SIGLEC1: variants seen among roughly 807,000 people sequenced by gnomAD.
The protein encoded by SIGLEC1 is sialic acid binding Ig like lectin 1.
SIGLEC1 carries 132 observed loss-of-function variants against 148.0 expected under a neutral mutation model. The observed-to-expected ratio is 0.89, with a 90% confidence interval of 0.77 to 1.03. SIGLEC1 has a LOEUF of 1.03. SIGLEC1 is among the 50% of genes least tolerant of loss of function. SIGLEC1 has a pLI of 0.00. For synonymous variants in SIGLEC1, 945 were observed against 969.0 expected (o/e 0.98, Z 0.46); for missense variants, 2,253 against 2,271.4 (o/e 0.99, Z 0.16).
chr20:3,688,400 G>A lies in SIGLEC1; in HGVS notation c.*160C>T. 1.4e-6 allele frequency: 1 copy of A among 698,708 alleles called. No individual in the cohort carries two copies. Among genetic ancestry groups the A allele is most frequent in the Non-Finnish European group, 2.6e-6 (1 of 389,930 alleles). The allele number at this position is 698,708 out of a possible 1,614,324, so 43.3% of individuals were successfully genotyped here. On this transcript the variant is annotated 3_prime_UTR_variant, in exon 22 of 22. Coordinates refer to ENST00000344754, the MANE Select transcript of SIGLEC1 (RefSeq NM_023068.4). ...CAGACCTCTCACCACCCATTTTTGG[G>A]GGGGCAAGAGGCTTGGGGCCAGGTC...
chr20:3,707,864 C>G (rs945363148), intron 1 of SIGLEC1, among the ~76,000 whole-genome samples: 1 of 152,246 alleles, frequency 6.6e-6, no homozygotes. Context: ...CACAGATAAT[C>G]TTTGCCTGCT....
chr20:3,708,479 A>T (rs972002218), intron 1 of SIGLEC1, among the ~76,000 whole-genome samples: 1 of 152,204 alleles, frequency 6.6e-6, no homozygotes, highest in Non-Finnish European at 1.5e-5. Flanking sequence ...CAAAATTTAA[A>T]ACTTGGCCAG....
chr20:3,690,213 A>T lies in SIGLEC1; in HGVS notation c.4643T>A (p.Leu1548His). Residue 1548 changes from leucine (L) to histidine (H), a missense_variant, in exon 19 of 22, where the codon CTC becomes CAC. Coordinates refer to ENST00000344754, the MANE Select transcript of SIGLEC1 (RefSeq NM_023068.4). ...MMVFVEPEGG[L>H]RGILDCRVDS... ...CACTCGGCAATCCAGGATGCCCCGG[A>T]GGCCACCCTCAGGCTCCACGAAGAC... 4 of 1,556,392 alleles carry T rather than the reference A, an allele frequency of 2.6e-6. No individual in the cohort carries two copies. The highest frequency in any genetic ancestry group is 3.5e-6 in the Non-Finnish European group (4 of 1,150,572).
chr20:3,692,862 C>A lies in SIGLEC1; in HGVS notation c.3778G>T (p.Gly1260Cys), dbSNP rs754201584. 6.2e-7 allele frequency: 1 copy of A among 1,608,022 alleles called. No individual in the cohort carries two copies. Among genetic ancestry groups the A allele is most frequent in the South Asian group, 1.1e-5 (1 of 90,734 alleles). Reference protein sequence around the residue: ...ANTSLELRLEGVRVILAPEAA... With the variant: ...ANTSLELRLECVRVILAPEAA... Reference sequence around the variant, plus strand: ...GGGCTTGGCCTAGGCCCTGCCTTACCCTCCAGCCGCAGCTCCAGGGACGTG... The same window carrying A: ...GGGCTTGGCCTAGGCCCTGCCTTACACTCCAGCCGCAGCTCCAGGGACGTG... Residue 1260 changes from glycine to cysteine, a missense_variant and splice_region_variant, in exon 15 of 22, where the codon GGT (glycine) becomes TGT (cysteine). By Grantham distance (159) the Gly-to-Cys change is radical. Transcript: ENST00000344754.
chr20:3,707,062 T>C lies in SIGLEC1; in HGVS notation c.49+18A>G, dbSNP rs1430344121. The C allele has an allele frequency of 6.2e-7, 1 of 1,613,062 alleles. No homozygotes were observed. The highest frequency in any genetic ancestry group is 2.2e-5 in the East Asian group (1 of 44,884). ...AGGCTGGACCCTGGAAGACAGGCAC[T>C]AGGCCCGCAAAGCTTACCTGCTGGG... On this transcript the variant is annotated intron_variant, in intron 2 of 21. Transcript: ENST00000344754.
chr20:3,705,287 G>A (rs1169589659), intron 4 of SIGLEC1, among the ~76,000 whole-genome samples: 6 of 152,288 alleles, frequency 3.9e-5, no homozygotes, highest in East Asian at 1.9e-4. Context: ...ATAAGCCACC[G>A]CGCCCGGCCC....
At chr20:3,708,626 G>A (rs1001197054) in intron 1 of SIGLEC1, among the ~76,000 whole-genome samples, 1 of 151,974 alleles carries the variant, frequency 6.6e-6, no homozygotes, top group Non-Finnish European at 1.5e-5. Context: ...ACAGGCCTGT[G>A]GTCCCAGCTA....
intron 1 of SIGLEC1, among the ~76,000 whole-genome samples, chr20:3,707,461 A>T (rs1220799006): frequency 6.6e-6 from 1 of 151,658 alleles, no homozygotes; most frequent in African/African-American, 2.4e-5. Flanking sequence ...CAAGGATACC[A>T]CCCTAAGGCA....
chr20:3,705,660 G>A (rs76788623), intron 4 of SIGLEC1, 84 bp downstream of exon 4: 43,935 of 1,453,960 alleles, frequency 0.03, 818 homozygotes, highest in African/African-American at 0.066. Context: ...CAAGGGTTCC[G>A]TTTCTGTGGG....
At position 3,696,658 on chromosome 20, in the gene SIGLEC1, A is replaced by G. The variant is rs1397158440; in HGVS notation, c.2611T>C (p.Ser871Pro). 6.2e-7 allele frequency: 1 copy of G among 1,613,870 alleles called. No individual in the cohort carries two copies. Among genetic ancestry groups the G allele is most frequent in the Non-Finnish European group, 8.5e-7 (1 of 1,180,010 alleles). The change falls in exon 11 of 22, where the codon TCT becomes CCT. Residue 871 changes from serine to proline, a missense_variant. By Grantham distance (74) the Ser-to-Pro change is moderately conservative. Coordinates refer to ENST00000344754, the MANE Select transcript of SIGLEC1 (RefSeq NM_023068.4). ...GTGGCCTCACAGCGGTAGCTGCCAGAGTCCCCAAGGCCCAGTTCTCGGACC... is the reference window on the plus strand; with the variant it reads ...GTGGCCTCACAGCGGTAGCTGCCAGGGTCCCCAAGGCCCAGTTCTCGGACC... ...LEVRELGLGDSGSYRCEATNV... is the reference protein window; with the variant it reads ...LEVRELGLGDPGSYRCEATNV...
Position 3,697,980 on chromosome 20 carries a change from A to G in SIGLEC1, c.1940T>C (p.Leu647Pro), listed in dbSNP as rs148557296. 3 of 1,611,644 alleles carry G rather than the reference A, an allele frequency of 1.9e-6. No individual in the cohort carries two copies. The African/African-American group carries it at 4.0e-5, about 22-fold the overall frequency. The change falls in exon 9 of 22, where the codon CTG becomes CCG. Residue 647 changes from leucine to proline, a missense_variant. Transcript: ENST00000344754. The part of the protein sequence containing the change: ...LHKDRVVATS[L>P]PSGGGCSTCG... Reference sequence around the variant, plus strand: ...GGTGCTGCAGCCACCCCCTGATGGCAGGGAAGTGGCCACAACACGGTCCTT... The same window carrying G: ...GGTGCTGCAGCCACCCCCTGATGGCGGGGAAGTGGCCACAACACGGTCCTT...
In SIGLEC1 at chr20:3,696,129, T is replaced by TATACACACACAC. The variant is rs11087599; in HGVS notation, c.2683+456_2683+457insGTGTGTGTGTAT. ...AGGATTTTTATAGAGACTATATATATACACACACACAAACACACACACACA... is the reference window on the plus strand; with the variant it reads ...AGGATTTTTATAGAGACTATATATATATACACACACACACACACACACAAACACACACACACA... On this transcript the variant is annotated intron_variant, in intron 11 of 21. Coordinates refer to ENST00000344754, the MANE Select transcript of SIGLEC1 (RefSeq NM_023068.4). Among the ~76,000 whole-genome samples, 393 of 142,510 alleles carry TATACACACACAC rather than the reference T, an allele frequency of 2.8e-3. 4 individuals are homozygous for TATACACACACAC. Among genetic ancestry groups the TATACACACACAC allele is most frequent in the African/African-American group, 0.01 (367 of 36,576 alleles). 93.5% of individuals were successfully genotyped at this position (142,510 alleles called of 152,430 possible). A position where few individuals can be genotyped will look rare whatever the true frequency, so the allele number is the denominator to read the frequency against.
At chr20:3,696,925 G>A in intron 10 of SIGLEC1, 37 bp from the exon 11 acceptor site, 1 of 1,540,680 alleles carries the variant, frequency 6.5e-7, no homozygotes, top group Non-Finnish European at 8.7e-7. Context: ...ACCCAGCCTA[G>A]CTCACCACAT....
At position 3,688,606 on chromosome 20, in the gene SIGLEC1, T is replaced by A. The variant is rs775742741; in HGVS notation, c.5084A>T (p.Asp1695Val). 3.1e-5 allele frequency: 50 copies of A among 1,600,526 alleles called. No individual in the cohort carries two copies. The South Asian group carries it at 3.8e-4, about 12-fold the overall frequency. ...GGTTGAGGTCTCACATGTGGCTGCA[T>A]CAGGATCAATGAGCTTCCCACAGAG... ...QKETTQLIDP[D>V]AATCETSTCA... Residue 1695 changes from aspartate to valine, a missense_variant, in exon 22 of 22, where the codon GAT becomes GTT. Coordinates refer to ENST00000344754, the MANE Select transcript of SIGLEC1 (RefSeq NM_023068.4).
chr20:3,706,810 C>G, intron 2 of SIGLEC1, 104 bp from the exon 3 acceptor site: 1 of 1,350,416 alleles, frequency 7.4e-7, no homozygotes, highest in Non-Finnish European at 9.9e-7. Flanking sequence ...GCTGGGCTCC[C>G]AAATTCTGCC....
In SIGLEC1 at chr20:3,694,789, A is replaced by T; in HGVS notation, c.2818T>A (p.Ser940Thr). 1 of 1,613,158 alleles carries T rather than the reference A, an allele frequency of 6.2e-7. No homozygotes were observed. Among genetic ancestry groups the T allele is most frequent in the Non-Finnish European group, 8.5e-7 (1 of 1,179,910 alleles). ...GCAAAGCGGAGCGTGGCCGAGGTCG[A>T]CTCCTGGAGGGGCTGGCCATCCCGA... ...WYRDGQPLQE[S>T]TSATLRFAAI... Residue 940 changes from serine to threonine, a missense_variant, in exon 12 of 22, where the codon TCG (serine) becomes ACG (threonine). Coordinates refer to ENST00000344754, the MANE Select transcript of SIGLEC1 (RefSeq NM_023068.4).
intron 4 of SIGLEC1, among the ~76,000 whole-genome samples, chr20:3,705,417 C>G (rs1028549316): frequency 6.6e-6 from 1 of 152,254 alleles, no homozygotes; most frequent in Non-Finnish European, 1.5e-5. Context: ...CCAGCATCCT[C>G]CAGCACGGGG....
At position 3,703,174 on chromosome 20, in the gene SIGLEC1, G is replaced by A. The variant is rs775034697; in HGVS notation, c.1228+23C>T. ...TGGTCCTGCTCTGACTGTGTCCAGT[G>A]CCACCCCACCCTGGCCTCTTACGGT... On this transcript the variant is annotated intron_variant, in intron 6 of 21. Transcript: ENST00000344754. 4.3e-6 allele frequency: 7 copies of A among 1,613,012 alleles called. No homozygotes were observed. The African/African-American group carries it at 6.7e-5, about 15-fold the overall frequency.
chr20:3,703,092 A>G, intron 6 of SIGLEC1, 105 bp downstream of exon 6: 4 of 1,391,602 alleles, frequency 2.9e-6, no homozygotes, highest in Non-Finnish European at 3.0e-6. Context: ...CCTCCAGGTA[A>G]GTGGCCTTGA....
Sources: gnomAD v4.1 joint callset for allele counts (sites outside exome capture counted in the v4.1 genomes callset) on GRCh38, gnomAD v4.1.1 for gene constraint, MANE v1.5 for transcripts, NCBI Gene and HGNC (gene_info 2026-07-23, HGNC 2026-07-21) for gene names.